Variants in CDH12 observed in about 807,000 individuals in gnomAD.
CDH12 encodes cadherin 12, also known as cadherin-12.
In CDH12, 41 loss-of-function variants were observed where a neutral mutation model predicts 74.1. The observed-to-expected ratio is 0.55, with a 90% CI of 0.43 to 0.72. The LOEUF (loss-of-function observed/expected upper bound fraction) is 0.72, where lower values mean the gene tolerates loss of function less well. CDH12 is among the 30% of genes least tolerant of loss of function. The pLI is 0.00. For synonymous variants in CDH12, 399 were observed against 355.0 expected, an observed-to-expected ratio of 1.12 and a Z score of -1.39; for missense variants, 945 against 977.2, an observed-to-expected ratio of 0.97 and a Z score of 0.44.
At chr5:22,159,687 C>T (rs970396028) in intron 4 of CDH12, among the ~76,000 whole-genome samples, 3 of 152,154 alleles carry the variant, frequency 2.0e-5, no homozygotes, top group Non-Finnish European at 4.4e-5. Flanking sequence ...CGGTTTTTAC[C>T]TTGTAGACAA....
chr5:22,635,956 A>T (rs1012688956), intron 1 of CDH12, among the ~76,000 whole-genome samples: 1 of 151,912 alleles, frequency 6.6e-6, no homozygotes, highest in African/African-American at 2.4e-5. Context: ...ACTCAATAAT[A>T]AAAAGAAATA....
rs76436157 is a variant in CDH12, at chr5:21,794,365, C to T, written c.1256+7802G>A. 5.2e-3 allele frequency among the ~76,000 whole-genome samples: 796 copies of T among 151,794 alleles called. 37 individuals are homozygous for T. The East Asian group carries it at 0.1, about 20-fold the overall frequency. On this transcript the variant is annotated intron_variant, in intron 10 of 14. Coordinates refer to ENST00000382254, the MANE Select transcript of CDH12 (RefSeq NM_004061.5). ...TAATACAAGCTAAATACCATCAGCA[C>T]ATTTGCAAAGAGACTTCATGCAAAA...
rs569860926 is a variant in CDH12 at position 21,882,805 on chromosome 5, A to C, written c.527-28015T>G. The C allele has an allele frequency of 2.4e-5, 37 of 1,563,952 alleles. No homozygotes were observed. In the South Asian group the frequency reaches 2.9e-4, roughly 12 times the overall value. ...ATTGAGCAGAGCTGGGGAAGTCCCA[A>C]CGTAACAAAAGATGGTGTGACTGTT... On this transcript the variant is annotated intron_variant, in intron 6 of 14. Coordinates refer to ENST00000382254, the MANE Select transcript of CDH12 (RefSeq NM_004061.5).
chr5:22,342,201 A>C (rs2150455861), intron 3 of CDH12, among the ~76,000 whole-genome samples: 1 of 152,272 alleles, frequency 6.6e-6, no homozygotes, highest in South Asian at 2.1e-4. Flanking sequence ...CCCACTTCCG[A>C]ATACCATCAC....
In CDH12 at chr5:21,755,773, G is replaced by C. The variant is rs770906425; in HGVS notation, c.1703C>G (p.Pro568Arg). ...SRRQQELYFLPVVIEDSSYPV... is the reference protein window; with the variant it reads ...SRRQQELYFLRVVIEDSSYPV... ...GTAGCTGCTGTCTTCTATTACAACA[G>C]GGAGGAAATACAACTCTTGCTGCCT... The change falls in exon 14 of 15, where the codon CCT becomes CGT. Residue 568 changes from proline (P) to arginine (R), a missense_variant. By Grantham distance (103) the Pro-to-Arg change is moderately radical. This residue lies in a region of CDH12 where 791 missense variants were observed against 792.8 expected (regional missense o/e 1.00). Transcript: ENST00000382254. 2.7e-5 allele frequency: 44 copies of C among 1,613,982 alleles called. No individual in the cohort carries two copies. The highest frequency in any genetic ancestry group is 3.6e-5 in the Non-Finnish European group (42 of 1,179,942).
intron 1 of CDH12, among the ~76,000 whole-genome samples, chr5:22,706,841 T>G (rs1743032383): frequency 6.6e-6 from 1 of 152,178 alleles, no homozygotes; most frequent in South Asian, 2.1e-4. Context: ...TTTAAATAAA[T>G]GGTCTCATAA....
intron 5 of CDH12, among the ~76,000 whole-genome samples, chr5:22,038,867 T>A (rs1399439229): frequency 6.6e-6 from 1 of 152,128 alleles, no homozygotes; most frequent in Admixed American, 6.5e-5. Context: ...GAACACCAAC[T>A]AGGCTAAAAT....
At chr5:22,521,161 G>T (rs889140205) in intron 1 of CDH12, among the ~76,000 whole-genome samples, 9 of 151,936 alleles carry the variant, frequency 5.9e-5, no homozygotes, top group Admixed American at 5.9e-4. Flanking sequence ...TATCTTATCA[G>T]TTGGAATTCT....
intron 1 of CDH12, among the ~76,000 whole-genome samples, chr5:22,743,271 T>TATATATAC (rs1745119941): frequency 9.1e-6 from 1 of 110,046 alleles, no homozygotes; most frequent in East Asian, 2.7e-4. Context: ...TATATATATA[T>TATATATAC]ATATATATAT....
At chr5:21,896,075 C>T (rs7442799) in intron 6 of CDH12, among the ~76,000 whole-genome samples, 115,815 of 152,056 alleles carry the variant, frequency 0.76, 45,657 homozygotes, top group Non-Finnish European at 0.86. Context: ...TTGGCTTCCA[C>T]GCCTCTACAT....
chr5:22,035,013 T>A (rs1042454403), intron 5 of CDH12, among the ~76,000 whole-genome samples: 1 of 152,166 alleles, frequency 6.6e-6, no homozygotes, highest in Non-Finnish European at 1.5e-5. Context: ...GAAATAACAT[T>A]GAAAAAATGA....
intron 5 of CDH12, among the ~76,000 whole-genome samples, chr5:21,982,937 T>C (rs1257755005): frequency 1.3e-5 from 2 of 152,140 alleles, no homozygotes; most frequent in Non-Finnish European, 2.9e-5. Flanking sequence ...ATCCTTAGAT[T>C]CATCCCACTT....
chr5:21,828,001 T>C (rs1428792537), intron 8 of CDH12, among the ~76,000 whole-genome samples: 1 of 152,194 alleles, frequency 6.6e-6, no homozygotes, highest in African/African-American at 2.4e-5. Flanking sequence ...ATATGGTAAA[T>C]GGAAAATTCT....
chr5:22,692,707 A>G (rs1294108011), intron 1 of CDH12, among the ~76,000 whole-genome samples: 1 of 152,218 alleles, frequency 6.6e-6, no homozygotes, highest in Non-Finnish European at 1.5e-5. Context: ...AAAAAGCAAC[A>G]AAATTATTAG....
intron 3 of CDH12, among the ~76,000 whole-genome samples, chr5:22,333,877 A>G (rs1213471062): frequency 6.6e-6 from 1 of 152,246 alleles, no homozygotes. Flanking sequence ...ATGAAGCACA[A>G]AAACCACATG....
chr5:22,566,310 T>G (rs780312535), intron 1 of CDH12, among the ~76,000 whole-genome samples: 3 of 151,366 alleles, frequency 2.0e-5, no homozygotes, highest in African/African-American at 4.9e-5. Context: ...CAATCTCCAC[T>G]CACTGCAACC....
intron 2 of CDH12, among the ~76,000 whole-genome samples, chr5:22,421,458 T>C (rs1272450139): frequency 6.6e-6 from 1 of 152,148 alleles, no homozygotes; most frequent in African/African-American, 2.4e-5. Flanking sequence ...TGTTCTTTTG[T>C]TATTTCGCTG....
intron 2 of CDH12, among the ~76,000 whole-genome samples, chr5:22,408,146 C>G (rs191849596): frequency 3.9e-5 from 6 of 152,094 alleles, no homozygotes; most frequent in African/African-American, 7.2e-5. Context: ...AACAATGAAG[C>G]ACATTTCAGC....
At chr5:22,703,843 C>T (rs1203268183) in intron 1 of CDH12, among the ~76,000 whole-genome samples, 2 of 152,148 alleles carry the variant, frequency 1.3e-5, no homozygotes, top group African/African-American at 2.4e-5. Context: ...AATGTCTCTA[C>T]TGCCTTTCTT....
Sources: allele counts gnomAD v4.1 joint callset (sites outside exome capture counted in the v4.1 genomes callset), GRCh38; gene constraint gnomAD v4.1.1; regional missense constraint gnomAD v4.1.1; transcripts MANE v1.5; gene names NCBI Gene and HGNC (gene_info 2026-07-23, HGNC 2026-07-21).